MAPK8IP3: variants seen among roughly 807,000 people sequenced by gnomAD.
MAPK8IP3 encodes mitogen-activated protein kinase 8 interacting protein 3, also known as C-Jun-amino-terminal kinase-interacting protein 3.
MAPK8IP3 carries 49 observed loss-of-function variants against 157.8 expected under a neutral mutation model. The observed-to-expected ratio is 0.31, with a 90% CI of 0.25 to 0.39. The LOEUF (loss-of-function observed/expected upper bound fraction) is 0.39. Ranked by LOEUF, MAPK8IP3 falls within the 10% of genes least tolerant of loss-of-function variation. The pLI, the probability that MAPK8IP3 is intolerant of heterozygous loss-of-function variation, is 1.00. For missense variants in MAPK8IP3, 1,478 were observed against 1,889.4 expected (o/e 0.78, Z 4.04); for synonymous variants, 897 against 777.7 (o/e 1.15, Z -2.55).
rs374335171 is a variant in MAPK8IP3 at position 1,729,225 on chromosome 16, A to C, written c.510+17A>C. 6.3e-5 allele frequency: 102 copies of C among 1,613,552 alleles called. 3 individuals are homozygous for C. In the East Asian group the frequency reaches 7.8e-4, roughly 12 times the overall value. On this transcript the variant is annotated intron_variant, in intron 3 of 31. Coordinates refer to ENST00000610761, the MANE Select transcript of MAPK8IP3 (RefSeq NM_001318852.2). ...CACACAGAGGTGGGCGCCCAGAGGC[A>C]AGCGCGGAGACGAGGGTTGGAGACA...
chr16:1,709,426 A>C (rs966506589), intron 1 of MAPK8IP3, among the ~76,000 whole-genome samples: 1 of 152,180 alleles, frequency 6.6e-6, no homozygotes, highest in Non-Finnish European at 1.5e-5. Flanking sequence ...GTTTCATCTC[A>C]AGATCCAAGC....
chr16:1,764,214 A>G lies in MAPK8IP3; in HGVS notation c.2121+4A>G. The G allele has an allele frequency of 6.2e-7, 1 of 1,609,920 alleles. No individual in the cohort carries two copies. Among genetic ancestry groups the G allele is most frequent in the Non-Finnish European group, 8.5e-7 (1 of 1,178,572 alleles). On this transcript the variant is annotated splice_donor_region_variant and intron_variant, in intron 18 of 31. Transcript: ENST00000610761. ...GGAGAAGGACCCCACCATGAAGGTGAGCCCGCGAGGACCCCGCTCAGGCTG... is the reference window on the plus strand; with the variant it reads ...GGAGAAGGACCCCACCATGAAGGTGGGCCCGCGAGGACCCCGCTCAGGCTG...
chr16:1,709,673 G>C (rs774972862), intron 1 of MAPK8IP3, among the ~76,000 whole-genome samples: 1 of 152,258 alleles, frequency 6.6e-6, no homozygotes, highest in African/African-American at 2.4e-5. Flanking sequence ...TGAACGGGGT[G>C]GGGGCTGGCA....
chr16:1,736,515 C>T (rs1427761472), intron 4 of MAPK8IP3, among the ~76,000 whole-genome samples: 1 of 35,722 alleles, frequency 2.8e-5, no homozygotes, highest in Admixed American at 4.5e-4. Flanking sequence ...TGTGACCGTC[C>T]GTGTGTGACC....
intron 4 of MAPK8IP3, among the ~76,000 whole-genome samples, chr16:1,734,269 C>T (rs1474255122): frequency 6.6e-6 from 1 of 152,256 alleles, no homozygotes; most frequent in Non-Finnish European, 1.5e-5. Flanking sequence ...CGGGAGCATG[C>T]TCCATGGGGG....
rs1296912934 is a variant in MAPK8IP3, at chr16:1,762,416, G to A, written c.1605G>A (p.Glu535=). The A allele has an allele frequency of 6.2e-7, 1 of 1,606,244 alleles. No individual in the cohort carries two copies. Among genetic ancestry groups the A allele is most frequent in the Non-Finnish European group, 8.5e-7 (1 of 1,176,464 alleles). ...TRVEMARVLM[E]RNQYKERLME... ...TGGAGATGGCCCGTGTGCTCATGGA[G>A]CGGAACCAGTACAAGGAGCGGCTGA... Residue 535 remains glutamate (E), a synonymous_variant, in exon 14 of 32, where the codon GAG becomes GAA. Transcript: ENST00000610761.
intron 4 of MAPK8IP3, among the ~76,000 whole-genome samples, chr16:1,733,375 G>A (rs1458879458): frequency 2.6e-5 from 4 of 152,184 alleles, no homozygotes; most frequent in Non-Finnish European, 4.4e-5. Context: ...GACAACACCC[G>A]AGAGGTCCTG....
In MAPK8IP3 at chr16:1,706,292, G is replaced by A. The variant is rs187920783; in HGVS notation, c.-48G>A. 9.4e-4 allele frequency: 1,393 copies of A among 1,486,422 alleles called. 15 individuals carry two copies. The African/African-American group carries it at 0.017, about 18-fold the overall frequency. 92.1% of individuals were successfully genotyped at this position (1,486,422 alleles called of 1,614,324 possible). The stretch of plus-strand genomic sequence containing the variant: ...AACCTGAGGCAGCTGGGGAGGGCCG[G>A]GCGCGCCGGCCGGATAGCGAGCCGC... On this transcript the variant is annotated 5_prime_UTR_variant, in exon 1 of 32. Transcript: ENST00000610761. The surrounding 1 kb of genome is among the most constrained non-coding windows in gnomAD (Gnocchi z 5.1).
At chr16:1,714,408 C>G (rs546662525) in intron 1 of MAPK8IP3, among the ~76,000 whole-genome samples, 2 of 146,070 alleles carry the variant, frequency 1.4e-5, no homozygotes, top group African/African-American at 5.6e-5. Flanking sequence ...TTTTGAGCCA[C>G]TGTTACGGCA....
rs555668011 is a variant in MAPK8IP3 at position 1,730,722 on chromosome 16, A to T, written c.602+1144A>T. On this transcript the variant is annotated intron_variant, in intron 4 of 31. Coordinates refer to ENST00000610761, the MANE Select transcript of MAPK8IP3 (RefSeq NM_001318852.2). ...GCCGGGTGTGGTGGCGGGCGCCTGT[A>T]GTTCCAGCTATTCTGGAGGCTGAGG... Among the ~76,000 whole-genome samples, 171 of 152,148 alleles carry T rather than the reference A, an allele frequency of 1.1e-3. 3 individuals are homozygous for T. Among genetic ancestry groups the T allele is most frequent in the Admixed American group, 3.9e-4 (6 of 15,278 alleles).
rs577371954 is a variant in MAPK8IP3 at position 1,724,487 on chromosome 16, C to A, written c.319-70C>A. On this transcript the variant is annotated intron_variant, in intron 1 of 31. Coordinates refer to ENST00000610761, the MANE Select transcript of MAPK8IP3 (RefSeq NM_001318852.2). The surrounding 1 kb of genome is among the most constrained non-coding windows in gnomAD (Gnocchi z 4.1). Reference sequence around the variant, plus strand: ...CCCCTGGGCCCTCAAAGCCTGCGGCCCTTCAAGTGAAAGGCGGCTGCTCCA... The same window carrying A: ...CCCCTGGGCCCTCAAAGCCTGCGGCACTTCAAGTGAAAGGCGGCTGCTCCA... The A allele has an allele frequency of 6.4e-7, 1 of 1,570,636 alleles. No homozygotes were observed. Among genetic ancestry groups the A allele is most frequent in the East Asian group, 2.3e-5 (1 of 44,182 alleles).
intron 2 of MAPK8IP3, among the ~76,000 whole-genome samples, chr16:1,728,644 G>A (rs1330360554): frequency 2.1e-5 from 3 of 143,794 alleles, no homozygotes; most frequent in South Asian, 2.2e-4. Flanking sequence ...CCCCCCAGAC[G>A]GCCTTCACAG....
rs200740598 is a variant in MAPK8IP3, at chr16:1,744,932, G to GT, written c.747+1462dup. The GT allele has an allele frequency of 5.5e-4, 543 of 978,834 alleles. 11 individuals are homozygous for GT. In the East Asian group the frequency reaches 0.052, roughly 94 times the overall value. 60.6% of individuals were successfully genotyped at this position (978,834 alleles called of 1,614,324 possible). On this transcript the variant is annotated intron_variant, in intron 5 of 31. Coordinates refer to ENST00000610761, the MANE Select transcript of MAPK8IP3 (RefSeq NM_001318852.2). ...TTTCTAATTTCTTAATTTTTTTGTTGTTTTTTGTTTTGTTTTGTTTTTGTT... is the reference window on the plus strand; with the variant it reads ...TTTCTAATTTCTTAATTTTTTTGTTGTTTTTTTGTTTTGTTTTGTTTTTGTT...
intron 1 of MAPK8IP3, among the ~76,000 whole-genome samples, chr16:1,718,970 G>A (rs1445923258): frequency 6.6e-6 from 1 of 152,198 alleles, no homozygotes; most frequent in Non-Finnish European, 1.5e-5. Context: ...TCAGGAGGCT[G>A]TGGCAGGAGG....
chr16:1,738,898 AC>A (rs957375077), intron 4 of MAPK8IP3, among the ~76,000 whole-genome samples: 5 of 122,260 alleles, frequency 4.1e-5, no homozygotes, highest in Non-Finnish European at 8.1e-5. Flanking sequence ...CATCTGTGTG[AC>A]CATCCGTGTA....
chr16:1,717,053 C>T (rs1433563087), intron 1 of MAPK8IP3, among the ~76,000 whole-genome samples: 3 of 150,226 alleles, frequency 2.0e-5, no homozygotes, highest in Non-Finnish European at 4.4e-5. Flanking sequence ...AGCGAGATGC[C>T]GTCTCAAAAA....
intron 9 of MAPK8IP3, 29 bp downstream of exon 9, chr16:1,758,188 C>T (rs1262603014): frequency 3.1e-6 from 5 of 1,612,882 alleles, no homozygotes; most frequent in African/African-American, 1.3e-5. Context: ...TGTCTGTCTC[C>T]CCTCTGTGTG....
At position 1,768,286 on chromosome 16, in the gene MAPK8IP3, C is replaced by T. The variant is rs1445123265; in HGVS notation, c.3650C>T (p.Ala1217Val). The T allele has an allele frequency of 6.2e-7, 1 of 1,611,230 alleles. No individual in the cohort carries two copies. The highest frequency in any genetic ancestry group is 2.2e-5 in the East Asian group (1 of 44,864). Reference sequence around the variant, plus strand: ...GGCGATGACAGCAGTGACAGGGCGGCCAGCAGCTTCATCCCCTACTGCTCC... The same window carrying T: ...GGCGATGACAGCAGTGACAGGGCGGTCAGCAGCTTCATCCCCTACTGCTCC... ...VYGDDSSDRA[A>V]SSFIPYCSMA... The change falls in exon 30 of 32, where the codon GCC becomes GTC. Residue 1217 changes from alanine (A) to valine (V), a missense_variant. By Grantham distance (64) the Ala-to-Val change is moderately conservative (BLOSUM62 0). This residue lies in a region of MAPK8IP3 where 83 missense variants were observed against 85.3 expected (regional missense o/e 0.97). Transcript: ENST00000610761.
At chr16:1,766,849 C>T (rs201136763) in intron 24 of MAPK8IP3, 46 bp downstream of exon 24, 6 of 1,611,272 alleles carry the variant, frequency 3.7e-6, no homozygotes, top group East Asian at 2.2e-5. Flanking sequence ...GGGAACGGGG[C>T]GGAGGGGGCT....
Sources: allele counts gnomAD v4.1 joint callset (sites outside exome capture counted in the v4.1 genomes callset), GRCh38; gene constraint gnomAD v4.1.1; regional missense constraint gnomAD v4.1.1; non-coding constraint Gnocchi (gnomAD v3.1); transcripts MANE v1.5; gene names NCBI Gene and HGNC (gene_info 2026-07-23, HGNC 2026-07-21).